The following COLEC10 variants were observed in gnomAD, a reference collection of about 807,000 sequenced individuals.
COLEC10 encodes collectin subfamily member 10.
In COLEC10, 22 loss-of-function variants were observed where a neutral mutation model predicts 28.4. The observed-to-expected ratio is 0.78, with a 90% CI of 0.55 to 1.11. The LOEUF is 1.11. COLEC10 is among the 50% of genes least tolerant of loss of function. The pLI is 0.00. For synonymous variants in COLEC10, 125 were observed against 116.1 expected (o/e 1.08, Z -0.49); for missense variants, 361 against 344.1 (o/e 1.05, Z -0.39).
intron 2 of COLEC10, among the ~76,000 whole-genome samples, chr8:119,061,707 G>A (rs566265368): frequency 2.6e-5 from 4 of 151,690 alleles, no homozygotes; most frequent in South Asian, 4.2e-4. Flanking sequence ...TCTCTTTCAG[G>A]AAACTACTAG....
chr8:119,024,962 T>C (rs143030678), intron 2 of COLEC10, among the ~76,000 whole-genome samples: 2 of 152,312 alleles, frequency 1.3e-5, no homozygotes, highest in East Asian at 3.9e-4. Context: ...AATAGACCTG[T>C]AATTCCCTCC....
chr8:119,006,342 G>T (rs944950623), intron 1 of COLEC10, among the ~76,000 whole-genome samples: 3 of 152,004 alleles, frequency 2.0e-5, no homozygotes, highest in Admixed American at 2.0e-4. Flanking sequence ...CTGTGTCAGG[G>T]ATCAAATTAA....
chr8:118,963,788 C>G, the COLEC10 span, among the ~76,000 whole-genome samples: 1 of 152,016 alleles, frequency 6.6e-6, no homozygotes, highest in Non-Finnish European at 1.5e-5. Flanking sequence ...TTTTGTCTGC[C>G]TTTTTCACCT....
the COLEC10 span, among the ~76,000 whole-genome samples, chr8:118,982,103 A>C: frequency 6.6e-6 from 1 of 152,108 alleles, no homozygotes; most frequent in Non-Finnish European, 1.5e-5. Context: ...GGCAGTTGGC[A>C]AAATCTGGGG....
At chr8:118,961,489 G>A in the COLEC10 span, among the ~76,000 whole-genome samples, 15 of 152,162 alleles carry the variant, frequency 9.9e-5, no homozygotes, top group South Asian at 2.1e-4. Context: ...TGATTCAGGC[G>A]CTGGCCTTCT....
At chr8:119,051,700 A>G (rs1814679171) in intron 2 of COLEC10, among the ~76,000 whole-genome samples, 1 of 152,206 alleles carries the variant, frequency 6.6e-6, no homozygotes, top group Non-Finnish European at 1.5e-5. Context: ...ATTAATAGAG[A>G]CTGTGATTCA....
At chr8:119,058,150 A>G (rs901325856) in intron 2 of COLEC10, among the ~76,000 whole-genome samples, 1 of 152,080 alleles carries the variant, frequency 6.6e-6, no homozygotes, top group African/African-American at 2.4e-5. Context: ...GAGTCAAAAT[A>G]CAATTTGTCT....
intron 1 of COLEC10, among the ~76,000 whole-genome samples, chr8:119,088,826 G>T (rs1172886555): frequency 6.6e-6 from 1 of 152,206 alleles, no homozygotes; most frequent in Non-Finnish European, 1.5e-5. Flanking sequence ...AGCCATCATT[G>T]CTAAGCACTG....
chr8:119,012,562 A>C (rs1007970462), intron 2 of COLEC10, among the ~76,000 whole-genome samples: 3 of 150,524 alleles, frequency 2.0e-5, no homozygotes, highest in African/African-American at 7.5e-5. Context: ...TCTTCCTGAT[A>C]TATTTGATAG....
chr8:118,958,059 T>C, the COLEC10 span, among the ~76,000 whole-genome samples: 1 of 151,956 alleles, frequency 6.6e-6, no homozygotes, highest in Non-Finnish European at 1.5e-5. Flanking sequence ...GGCAAGCGAG[T>C]AGGCAGAGGA....
At chr8:118,981,508 G>A in the COLEC10 span, among the ~76,000 whole-genome samples, 28 of 151,738 alleles carry the variant, frequency 1.8e-4, no homozygotes, top group Non-Finnish European at 3.5e-4. Context: ...TTTATCCTAG[G>A]TTTTTTAAAA....
intron 1 of COLEC10, chr8:119,068,165 T>G (rs1025109699): frequency 1.3e-5 from 2 of 152,228 alleles, no homozygotes; most frequent in Non-Finnish European, 2.9e-5. Flanking sequence ...CCCTTATTAG[T>G]AATTCATGCT....
At chr8:118,961,475 C>T in the COLEC10 span, among the ~76,000 whole-genome samples, 1 of 152,188 alleles carries the variant, frequency 6.6e-6, no homozygotes, top group East Asian at 1.9e-4. Flanking sequence ...ACAAGTGGCT[C>T]ATCTGATTCA....
chr8:119,038,194 G>A (rs1814425519), intron 2 of COLEC10, among the ~76,000 whole-genome samples: 1 of 152,192 alleles, frequency 6.6e-6, no homozygotes, highest in South Asian at 2.1e-4. Flanking sequence ...ATCAACCTGG[G>A]CTCAAATCAC....
chr8:119,082,979 T>C (rs2130260363), intron 1 of COLEC10, among the ~76,000 whole-genome samples: 1 of 152,332 alleles, frequency 6.6e-6, no homozygotes, highest in South Asian at 2.1e-4. Flanking sequence ...CATCTTCTCC[T>C]GAGGCTTTGA....
At chr8:119,103,737 A>T in intron 4 of COLEC10, 63 bp from the exon 5 acceptor site, 2 of 949,352 alleles carry the variant, frequency 2.1e-6, no homozygotes, top group Non-Finnish European at 3.4e-6. Context: ...AAGAGAGCAA[A>T]TGTTCCTTTC....
At chr8:118,985,830 TGGTGGTAA>T in the COLEC10 span, among the ~76,000 whole-genome samples, 4 of 151,908 alleles carry the variant, frequency 2.6e-5, no homozygotes, top group East Asian at 7.8e-4. Context: ...CCAAGCTGGG[TGGTGGTAA>T]ATAAGATTGT....
At chr8:119,002,653 G>T (rs1414056711) in intron 1 of COLEC10, among the ~76,000 whole-genome samples, 1 of 152,056 alleles carries the variant, frequency 6.6e-6, no homozygotes, top group Non-Finnish European at 1.5e-5. Context: ...CTATTCCAAT[G>T]ACTAAATGCC....
chr8:118,966,211 G>C, the COLEC10 span, among the ~76,000 whole-genome samples: 1 of 152,118 alleles, frequency 6.6e-6, no homozygotes, highest in African/African-American at 2.4e-5. Context: ...AGCACTTACT[G>C]TTTGTTGATT....
Sources: gnomAD v4.1 joint callset for allele counts (sites outside exome capture counted in the v4.1 genomes callset) on GRCh38, gnomAD v4.1.1 for gene constraint, MANE v1.5 for transcripts, NCBI Gene and HGNC (gene_info 2026-07-23, HGNC 2026-07-21) for gene names.